Variants in NOTCH1 observed in about 807,000 individuals in gnomAD.
NOTCH1 encodes the protein notch receptor 1, also known as neurogenic locus notch homolog protein 1.
NOTCH1 carries 37 observed loss-of-function variants against 254.8 expected under a neutral mutation model. The ratio of observed to expected loss-of-function variants is 0.15; its 90% CI spans 0.11 to 0.19. NOTCH1 has a LOEUF of 0.19. NOTCH1 is among the 10% of genes least tolerant of loss of function. The probability of loss-of-function intolerance (pLI) is 1.00; values close to 1 mark genes in which losing one functional copy is unlikely to be tolerated. For synonymous variants in NOTCH1, 1,731 were observed against 1,618.1 expected (o/e 1.07, Z -1.68); for missense variants, 2,972 against 3,708.6 (o/e 0.80, Z 5.16).
chr9:136,530,634 C>A (rs546183832), intron 2 of NOTCH1, among the ~76,000 whole-genome samples: 2 of 152,250 alleles, frequency 1.3e-5, no homozygotes, highest in Non-Finnish European at 2.9e-5. Flanking sequence ...TGGAGCCCCA[C>A]CTGCTGCTCC....
intron 2 of NOTCH1, among the ~76,000 whole-genome samples, chr9:136,536,995 T>C (rs12002303): frequency 0.031 from 4,762 of 152,204 alleles, 262 homozygotes; most frequent in African/African-American, 0.11. Context: ...CTGGCATGAG[T>C]GAGGCCCAGG....
At chr9:136,533,021 T>C (rs968918936) in intron 2 of NOTCH1, among the ~76,000 whole-genome samples, 1 of 152,158 alleles carries the variant, frequency 6.6e-6, no homozygotes, top group Non-Finnish European at 1.5e-5. Flanking sequence ...CAGAGCTCTG[T>C]GCTGGGCCAG....
intron 2 of NOTCH1, among the ~76,000 whole-genome samples, chr9:136,528,617 A>G (rs1224660833): frequency 2.7e-5 from 4 of 150,612 alleles, no homozygotes; most frequent in Non-Finnish European, 4.4e-5. Context: ...CCCAGAGGGG[A>G]AGGAACGGCC....
In NOTCH1 at chr9:136,504,041, GCAAGGC is replaced by G. The variant is rs759894454; in HGVS notation, c.5018+626_5018+631del. Among the ~76,000 whole-genome samples, 426 of 151,826 alleles carry G rather than the reference GCAAGGC, an allele frequency of 2.8e-3. 1 individual carries two copies. Among genetic ancestry groups the G allele is most frequent in the Non-Finnish European group, 4.1e-3 (277 of 67,922 alleles). On this transcript the variant is annotated intron_variant, in intron 26 of 33. Coordinates refer to ENST00000651671, the MANE Select transcript of NOTCH1 (RefSeq NM_017617.5). Reference sequence around the variant, plus strand: ...ACCCCCACCAGCTCCTCCTCCAACTGCAAGGCCCAGCAATGCCCCCTCCCAGGACCT... The same window carrying G: ...ACCCCCACCAGCTCCTCCTCCAACTGCCAGCAATGCCCCCTCCCAGGACCT...
chr9:136,522,692 C>G (rs1022868043), intron 4 of NOTCH1, 158 bp downstream of exon 4: 5 of 707,130 alleles, frequency 7.1e-6, no homozygotes, highest in Non-Finnish European at 9.1e-6. Context: ...CGCGTCCCCC[C>G]GACACCACAC....
chr9:136,518,144 G>A lies in NOTCH1; in HGVS notation c.1248C>T (p.Cys416=), dbSNP rs1448571180. 5.0e-6 allele frequency: 8 copies of A among 1,589,006 alleles called. No individual in the cohort carries two copies. The highest frequency in any genetic ancestry group is 6.8e-6 in the Non-Finnish European group (8 of 1,168,522). Residue 416 remains cysteine, a synonymous_variant, in exon 7 of 34, where the codon TGC becomes TGT. Coordinates refer to ENST00000651671, the MANE Select transcript of NOTCH1 (RefSeq NM_017617.5). ...CCCTGTGCTGGCACCTACCCAGCGA[G>A]CACTCATCCACGTCCTGGCTGCAGG... ...GPACSQDVDE[C]SLGANPCEHA...
Position 136,518,310 on chromosome 9 carries a change from G to A in NOTCH1, c.1100-18C>T, listed in dbSNP as rs1224264660. On this transcript the variant is annotated intron_variant, in intron 6 of 33. Transcript: ENST00000651671. The stretch of plus-strand genomic sequence containing the variant: ...CAGCAGACCTGGGCAGGCAGCGGCG[G>A]TCAGTGGGCACGGCCCCTGGGCCAG... 6.2e-7 allele frequency: 1 copy of A among 1,605,646 alleles called. No homozygotes were observed. The highest frequency in any genetic ancestry group is 1.1e-5 in the South Asian group (1 of 89,986).
chr9:136,518,901 A>G (rs935026234), intron 5 of NOTCH1, 77 bp from the exon 6 acceptor site: 6 of 1,304,536 alleles, frequency 4.6e-6, no homozygotes, highest in Non-Finnish European at 6.6e-6. Flanking sequence ...GCAGGGTGGC[A>G]ATGCCGCCCC....
chr9:136,502,768 G>C (rs1046907338), intron 27 of NOTCH1: 1 of 569,132 alleles, frequency 1.8e-6, no homozygotes, highest in African/African-American at 1.9e-5. Flanking sequence ...CGCTGCACTC[G>C]CACTGAGCTG....
intron 3 of NOTCH1, 46 bp from the exon 4 acceptor site, chr9:136,523,234 C>A: frequency 1.3e-6 from 2 of 1,537,664 alleles, no homozygotes; most frequent in South Asian, 2.4e-5. Flanking sequence ...CACTGCTCCC[C>A]GAGGCCGGGC....
At chr9:136,527,568 A>T (rs1317742831) in intron 2 of NOTCH1, among the ~76,000 whole-genome samples, 1 of 152,186 alleles carries the variant, frequency 6.6e-6, no homozygotes, top group Admixed American at 6.5e-5. Context: ...GGGGCTAAAA[A>T]GTGAGGCTTG....
At chr9:136,515,840 C>G in intron 10 of NOTCH1, 124 bp from the exon 11 acceptor site, 1 of 1,126,470 alleles carries the variant, frequency 8.9e-7, no homozygotes, top group Non-Finnish European at 1.2e-6. Context: ...TTCCCACCTA[C>G]TCAGGATTGG....
intron 31 of NOTCH1, among the ~76,000 whole-genome samples, chr9:136,499,848 G>A (rs186338950): frequency 4.1e-4 from 63 of 152,332 alleles, no homozygotes; most frequent in African/African-American, 1.5e-3. Context: ...AACCCGCACG[G>A]GGCTCCCTTC....
rs1842959338 is a variant in NOTCH1, at chr9:136,499,106, G to A, written c.6082+6C>T. ...CGACAGAGCAGCCGTGCCCCCGTGG[G>A]CTCACCCAGGTCATCTACGGCGTTG... On this transcript the variant is annotated splice_donor_region_variant and intron_variant, in intron 32 of 33. Coordinates refer to ENST00000651671, the MANE Select transcript of NOTCH1 (RefSeq NM_017617.5). 1 of 1,612,948 alleles carries A rather than the reference G, an allele frequency of 6.2e-7. No individual in the cohort carries two copies. The highest frequency in any genetic ancestry group is 8.5e-7 in the Non-Finnish European group (1 of 1,179,996).
intron 4 of NOTCH1, 149 bp from the exon 5 acceptor site, chr9:136,519,714 T>C: frequency 1.8e-6 from 2 of 1,091,458 alleles, no homozygotes; most frequent in Non-Finnish European, 2.8e-6. Context: ...CCTGCCTCAC[T>C]CCAGTGCCCA....
At chr9:136,531,109 C>T (rs1422722727) in intron 2 of NOTCH1, among the ~76,000 whole-genome samples, 1 of 152,250 alleles carries the variant, frequency 6.6e-6, no homozygotes, top group Non-Finnish European at 1.5e-5. Context: ...GTTAAGAATG[C>T]TGCAGGGAGG....
Position 136,508,894 on chromosome 9 carries a change from C to T in NOTCH1, c.3147G>A (p.Gln1049=), listed in dbSNP as rs1193672337. The T allele has an allele frequency of 6.5e-7, 1 of 1,548,038 alleles. No homozygotes were observed. Among genetic ancestry groups the T allele is most frequent in the African/African-American group, 1.4e-5 (1 of 72,990 alleles). The stretch of plus-strand genomic sequence containing the variant: ...CCTGGCAGTTGGGGCCAGTGTAGCC[C>T]TGGGGGCAGGTGCACCTGTAGGAGC... ...GCGSYRCTCP[Q]GYTGPNCQNL... is the part of the protein sequence containing the mutation. Residue 1049 remains glutamine, a synonymous_variant, in exon 19 of 34, where the codon CAG becomes CAA. Coordinates refer to ENST00000651671, the MANE Select transcript of NOTCH1 (RefSeq NM_017617.5).
chr9:136,525,798 T>G (rs1843450357), intron 2 of NOTCH1, among the ~76,000 whole-genome samples: 1 of 152,138 alleles, frequency 6.6e-6, no homozygotes, highest in Non-Finnish European at 1.5e-5. Context: ...TCCTGTGCGT[T>G]TCTCAGCAGC....
chr9:136,504,888 G>C lies in NOTCH1; in HGVS notation c.4803C>G (p.His1601Gln), dbSNP rs2133336694. ...HFLRELSRVL[H>Q]TNVVFKRDAH... ...CGTCACGCTTGAAGACCACGTTGGTGTGCAGCACGCGGCTGAGCTCCCGCA... is the reference window on the plus strand; with the variant it reads ...CGTCACGCTTGAAGACCACGTTGGTCTGCAGCACGCGGCTGAGCTCCCGCA... The change falls in exon 26 of 34, where the codon CAC becomes CAG. Residue 1601 changes from histidine to glutamine, a missense_variant. By Grantham distance (24) the His-to-Gln change is conservative. This residue lies in a region of NOTCH1 where 1,343 missense variants were observed against 1,557.0 expected (regional missense o/e 0.86). Coordinates refer to ENST00000651671, the MANE Select transcript of NOTCH1 (RefSeq NM_017617.5). 6.3e-7 allele frequency: 1 copy of C among 1,585,138 alleles called. No homozygotes were observed.
Sources: allele counts gnomAD v4.1 joint callset (sites outside exome capture counted in the v4.1 genomes callset), GRCh38; gene constraint gnomAD v4.1.1; regional missense constraint gnomAD v4.1.1; transcripts MANE v1.5; gene names NCBI Gene and HGNC (gene_info 2026-07-23, HGNC 2026-07-21).